MYO3A: variants seen among roughly 807,000 people sequenced by gnomAD.
The protein encoded by MYO3A is myosin IIIA.
Under a neutral mutation model 192.7 loss-of-function variants are expected in MYO3A, and 180 were observed. The ratio of observed to expected loss-of-function variants is 0.93; its 90% CI spans 0.83 to 1.06. The LOEUF is 1.06. MYO3A is among the 50% of genes least tolerant of loss of function. The pLI, the probability that MYO3A is intolerant of heterozygous loss-of-function variation, is 0.00. For missense variants in MYO3A, 1,896 were observed against 1,905.0 expected (o/e 1.00, Z 0.09); for synonymous variants, 628 against 645.3 (o/e 0.97, Z 0.41).
intron 20 of MYO3A, among the ~76,000 whole-genome samples, chr10:26,131,735 T>C (rs1032946027): frequency 1.5e-4 from 23 of 152,208 alleles, no homozygotes; most frequent in African/African-American, 5.5e-4. Context: ...GCTTTTACAG[T>C]TTCCCGGCAC....
At chr10:26,073,383 A>G (rs532263218) in intron 14 of MYO3A, among the ~76,000 whole-genome samples, 1 of 152,252 alleles carries the variant, frequency 6.6e-6, no homozygotes, top group East Asian at 1.9e-4. Flanking sequence ...CATCCTGGCT[A>G]ACACTGAAAC....
At chr10:25,947,410 T>G (rs1836923278) in intron 2 of MYO3A, among the ~76,000 whole-genome samples, 3 of 117,478 alleles carry the variant, frequency 2.6e-5, no homozygotes, top group African/African-American at 8.9e-5. Context: ...TTTTTTTTTT[T>G]GAGACAGAGT....
intron 4 of MYO3A, among the ~76,000 whole-genome samples, chr10:25,971,721 G>T (rs1349163274): frequency 6.6e-6 from 1 of 152,160 alleles, no homozygotes; most frequent in Non-Finnish European, 1.5e-5. Flanking sequence ...AACATTGTTA[G>T]TTCCCTAATA....
rs569425203 is a variant in MYO3A, at chr10:26,212,196, C to T, written c.*233C>T. ...CCCCGACGCTCTCTCTCGGAACTCC[C>T]GCACCCTCCTTTCTCACCAGCCCGC... On this transcript the variant is annotated 3_prime_UTR_variant, in exon 35 of 35. Transcript: ENST00000642920. The T allele has an allele frequency of 6.6e-4, 375 of 572,228 alleles. 2 individuals carry two copies. The highest frequency in any genetic ancestry group is 1.2e-3 in the Admixed American group (39 of 32,328). The allele number at this position is 572,228 out of a possible 1,614,324, so 35.4% of individuals were successfully genotyped here.
intron 20 of MYO3A, among the ~76,000 whole-genome samples, chr10:26,133,673 A>T (rs921345036): frequency 3.3e-5 from 5 of 152,210 alleles, no homozygotes; most frequent in African/African-American, 1.2e-4. Flanking sequence ...GACTCACTGT[A>T]GCATCGAACT....
intron 26 of MYO3A, among the ~76,000 whole-genome samples, chr10:26,165,668 A>G (rs983912465): frequency 3.3e-5 from 4 of 122,136 alleles, no homozygotes; most frequent in African/African-American, 1.2e-4. Flanking sequence ...CAGCTTCCAG[A>G]GTTTTGTTAA....
intron 17 of MYO3A, among the ~76,000 whole-genome samples, chr10:26,110,712 A>G (rs1838112146): frequency 6.6e-6 from 1 of 152,142 alleles, no homozygotes; most frequent in Non-Finnish European, 1.5e-5. Flanking sequence ...ACCCTTGTAC[A>G]TGCCATGAGG....
rs953094946 is a variant in MYO3A at position 25,947,109 on chromosome 10, C to A, written c.-17-4985C>A. On this transcript the variant is annotated intron_variant, in intron 2 of 34. Transcript: ENST00000642920. ...CCCTTAGGCTCTGTTTATATTCCTT[C>A]GTTCTTTTTTCTTTTTGCCCTTCAG... 3.3e-5 allele frequency among the ~76,000 whole-genome samples: 5 copies of A among 151,592 alleles called. No individual in the cohort carries two copies. The East Asian group carries it at 9.7e-4, about 29-fold the overall frequency.
intron 32 of MYO3A, chr10:26,200,930 TG>T (rs1843649746): frequency 6.4e-6 from 1 of 155,922 alleles, no homozygotes. Flanking sequence ...TATAGAGAAA[TG>T]GGCTTCCCAG....
At chr10:26,086,589 G>A (rs1836330150) in intron 14 of MYO3A, among the ~76,000 whole-genome samples, 1 of 151,796 alleles carries the variant, frequency 6.6e-6, no homozygotes, top group Non-Finnish European at 1.5e-5. Context: ...TACCAGATTT[G>A]TGACCCTTTC....
chr10:26,128,522 T>A lies in MYO3A; in HGVS notation c.2246T>A (p.Val749Glu). ...ATTCAGTATTATTATAATCAACATGTGTTTGCATGGGAACAGGTAAGTCTA... is the reference window on the plus strand; with the variant it reads ...ATTCAGTATTATTATAATCAACATGAGTTTGCATGGGAACAGGTAAGTCTA... ...EQIQYYYNQH[V>E]FAWEQNEYLN... The change falls in exon 20 of 35, where the codon GTG (valine) becomes GAG (glutamate). Residue 749 changes from valine to glutamate, a missense_variant. By Grantham distance (121) the Val-to-Glu change is moderately radical. Coordinates refer to ENST00000642920, the MANE Select transcript of MYO3A (RefSeq NM_017433.5). 2 of 1,611,632 alleles carry A rather than the reference T, an allele frequency of 1.2e-6. No individual in the cohort carries two copies. Among genetic ancestry groups the A allele is most frequent in the Non-Finnish European group, 1.7e-6 (2 of 1,178,634 alleles).
At position 26,024,880 on chromosome 10, in the gene MYO3A, G is replaced by A. The variant is rs545379353; in HGVS notation, c.797+793G>A. On this transcript the variant is annotated intron_variant, in intron 9 of 34. Transcript: ENST00000642920. ...TGGTTTGTCTTCCTCTAGTAACATT[G>A]CCAGTTGTATTTAGCTTACCTGTTT... 7.2e-5 allele frequency among the ~76,000 whole-genome samples: 11 copies of A among 152,216 alleles called. No homozygotes were observed. In the South Asian group the frequency reaches 2.1e-3, roughly 29 times the overall value.
chr10:26,029,175 G>A (rs1842697486), intron 10 of MYO3A, among the ~76,000 whole-genome samples: 2 of 152,290 alleles, frequency 1.3e-5, no homozygotes, highest in South Asian at 2.1e-4. Flanking sequence ...TGCTTGTGCT[G>A]TAAGTTTCAG....
intron 4 of MYO3A, among the ~76,000 whole-genome samples, chr10:25,965,837 G>A (rs1219236029): frequency 6.6e-6 from 1 of 151,976 alleles, no homozygotes; most frequent in Non-Finnish European, 1.5e-5. Context: ...ACAGTACTGA[G>A]TTCAATGCCT....
intron 4 of MYO3A, among the ~76,000 whole-genome samples, chr10:25,955,649 A>G (rs2130589737): frequency 6.6e-6 from 1 of 152,306 alleles, no homozygotes; most frequent in Non-Finnish European, 1.5e-5. Flanking sequence ...TCAGTCCCAG[A>G]ATAATTCCAT....
At chr10:26,050,263 A>G (rs11818765) in intron 10 of MYO3A, among the ~76,000 whole-genome samples, 24,720 of 152,154 alleles carry the variant, frequency 0.16, 2,305 homozygotes, top group Non-Finnish European at 0.21. Context: ...CACCGCACCC[A>G]GCCATTATTT....
chr10:25,975,000 G>A (rs964333301), intron 4 of MYO3A, among the ~76,000 whole-genome samples: 1 of 152,208 alleles, frequency 6.6e-6, no homozygotes, highest in African/African-American at 2.4e-5. Flanking sequence ...AGGCTGGGAA[G>A]TGTGGCCTCT....
intron 31 of MYO3A, among the ~76,000 whole-genome samples, chr10:26,188,014 G>A (rs1441191918): frequency 6.6e-6 from 1 of 152,062 alleles, no homozygotes; most frequent in Non-Finnish European, 1.5e-5. Flanking sequence ...CCCAGTAATG[G>A]GATGGCTGGG....
chr10:25,978,626 A>G (rs1006586707), intron 4 of MYO3A, among the ~76,000 whole-genome samples: 6 of 152,152 alleles, frequency 3.9e-5, no homozygotes, highest in Non-Finnish European at 7.4e-5. Context: ...CTAAAATTGT[A>G]CTTTATTATT....
Sources: gnomAD v4.1 joint callset for allele counts (sites outside exome capture counted in the v4.1 genomes callset) on GRCh38, gnomAD v4.1.1 for gene constraint, MANE v1.5 for transcripts, NCBI Gene and HGNC (gene_info 2026-07-23, HGNC 2026-07-21) for gene names.